Variants in MIGA1 observed in about 807,000 individuals in gnomAD.
MIGA1 encodes the protein mitoguardin 1, also known as family with sequence similarity 73, member A.
MIGA1 carries 58 observed loss-of-function variants against 82.0 expected under a neutral mutation model. The ratio of observed to expected loss-of-function variants is 0.71; its 90% CI spans 0.57 to 0.88. The LOEUF is 0.88. Among genes scored for constraint, MIGA1 ranks in the 40% least tolerant of loss-of-function variants. The probability of loss-of-function intolerance (pLI) is 0.00; values close to 1 mark genes in which losing one functional copy is unlikely to be tolerated. For missense variants in MIGA1, 751 were observed against 749.1 expected (o/e 1.00, Z -0.03); for synonymous variants, 249 against 253.6 (o/e 0.98, Z 0.17).
chr1:77,860,268 G>A, intron 11 of MIGA1, 142 bp downstream of exon 11: 1 of 595,848 alleles, frequency 1.7e-6, no homozygotes. Context: ...TGCTCGGGTT[G>A]AACTATGTAT....
intron 14 of MIGA1, chr1:77,868,778 C>T (rs1571020313): frequency 6.6e-6 from 1 of 152,054 alleles, no homozygotes; most frequent in Non-Finnish European, 1.5e-5. Flanking sequence ...ACTTTTTGGC[C>T]CTCACTAACT....
intron 2 of MIGA1, among the ~76,000 whole-genome samples, chr1:77,787,818 C>CTTTTTTTTTT (rs1348207073): frequency 7.2e-6 from 1 of 138,186 alleles, no homozygotes. Context: ...CTTTTCTTTT[C>CTTTTTTTTTT]TTTTTTTTTT....
chr1:77,851,876 C>CTTTTTT (rs374230686), intron 8 of MIGA1, among the ~76,000 whole-genome samples: 7 of 120,398 alleles, frequency 5.8e-5, no homozygotes, highest in African/African-American at 1.2e-4. Context: ...AGTTTTCTTT[C>CTTTTTT]TTTTTTTTTT....
At chr1:77,805,847 A>G (rs1356408154) in intron 4 of MIGA1, among the ~76,000 whole-genome samples, 2 of 151,984 alleles carry the variant, frequency 1.3e-5, no homozygotes, top group Non-Finnish European at 2.9e-5. Context: ...TATAATGTGA[A>G]CTTCCTCAGT....
chr1:77,780,197 G>A (rs1299320259), intron 1 of MIGA1: 2 of 987,860 alleles, frequency 2.0e-6, no homozygotes, highest in African/African-American at 1.7e-5. Flanking sequence ...CTGGAGGTAG[G>A]GCAGCTGGTG....
At chr1:77,869,736 C>T (rs1685843050) in intron 14 of MIGA1, among the ~76,000 whole-genome samples, 1 of 87,850 alleles carries the variant, frequency 1.1e-5, no homozygotes, top group South Asian at 4.3e-4. Context: ...GGCGGCTGGC[C>T]GACCCCCCCC....
At chr1:77,793,783 C>CTT (rs1175821307) in intron 2 of MIGA1, among the ~76,000 whole-genome samples, 84 of 114,134 alleles carry the variant, frequency 7.4e-4, no homozygotes, top group African/African-American at 1.5e-3. Flanking sequence ...AAAATTTTAT[C>CTT]TTTTTTTTTT....
At chr1:77,865,911 T>TTTTG (rs149766452) in intron 13 of MIGA1, among the ~76,000 whole-genome samples, 1 of 152,064 alleles carries the variant, frequency 6.6e-6, no homozygotes, top group Non-Finnish European at 1.5e-5. Context: ...TAGTTTTGTT[T>TTTTG]TTTGTTTGTT....
rs955579732 is a variant in MIGA1, at chr1:77,873,006, C to T, written c.1566C>T (p.Ile522=). The change falls in exon 15 of 16, where the codon ATC becomes ATT. Residue 522 remains isoleucine (I), a splice_region_variant and synonymous_variant. Coordinates refer to ENST00000370791, the MANE Select transcript of MIGA1 (RefSeq NM_198549.4). ...GATTCTCCTTTACTTCCCAGCAGAT[C>T]CCAGATGGATTTTTTGCCCATTTTT... is the stretch of plus-strand genomic sequence containing the variant. 2.5e-6 allele frequency: 4 copies of T among 1,613,864 alleles called. No homozygotes were observed. The East Asian group carries it at 8.9e-5, about 36-fold the overall frequency.
chr1:77,798,419 A>G (rs897702158), intron 2 of MIGA1, among the ~76,000 whole-genome samples: 3 of 152,230 alleles, frequency 2.0e-5, no homozygotes, highest in African/African-American at 4.8e-5. Flanking sequence ...AGGCCTCACA[A>G]TTATGGTAGA....
intron 2 of MIGA1, among the ~76,000 whole-genome samples, chr1:77,787,034 A>G (rs1397066422): frequency 6.6e-6 from 1 of 152,194 alleles, no homozygotes; most frequent in Non-Finnish European, 1.5e-5. Flanking sequence ...CCTCACAATC[A>G]TGGCGGAAGG....
chr1:77,790,247 A>G (rs1682356991), intron 2 of MIGA1, among the ~76,000 whole-genome samples: 1 of 152,150 alleles, frequency 6.6e-6, no homozygotes, highest in African/African-American at 2.4e-5. Context: ...CACCTTAAAG[A>G]TTTACCTCTT....
intron 12 of MIGA1, chr1:77,861,665 A>G: frequency 4.8e-6 from 1 of 206,410 alleles, no homozygotes; most frequent in Non-Finnish European, 9.7e-6. Flanking sequence ...GTAGTACAAC[A>G]GCAGCAGCTC....
At chr1:77,843,486 C>G in intron 8 of MIGA1, 79 bp downstream of exon 8, 1 of 1,070,246 alleles carries the variant, frequency 9.3e-7, no homozygotes, top group East Asian at 2.4e-5. Context: ...TACTGTAATT[C>G]AGTTTGGTCA....
chr1:77,861,094 AT>A lies in MIGA1; in HGVS notation c.1276-129del, dbSNP rs1033329307. 13 of 587,848 alleles carry A rather than the reference AT, an allele frequency of 2.2e-5. No homozygotes were observed. The African/African-American group carries it at 2.5e-4, about 11-fold the overall frequency. The allele number at this position is 587,848 out of a possible 1,614,324, so 36.4% of individuals were successfully genotyped here. On this transcript the variant is annotated intron_variant, in intron 11 of 15. Coordinates refer to ENST00000370791, the MANE Select transcript of MIGA1 (RefSeq NM_198549.4). ...AAGTAGTAAACCAGATAAATTTGGC[AT>A]ACCTTTAAAATGTATTTTAGTTCAG...
At position 77,799,742 on chromosome 1, in the gene MIGA1, T is replaced by C. The variant is rs576228475; in HGVS notation, c.196-1589T>C. ...TTATAGGATCCTTTTTACAGACCTT[T>C]GTGAGGTCTGCAGTAATGACTCCTC... On this transcript the variant is annotated intron_variant, in intron 2 of 15. Transcript: ENST00000370791. Among the ~76,000 whole-genome samples, 7 of 152,200 alleles carry C rather than the reference T, an allele frequency of 4.6e-5. No individual in the cohort carries two copies. In the East Asian group the frequency reaches 1.4e-3, roughly 29 times the overall value.
intron 2 of MIGA1, among the ~76,000 whole-genome samples, chr1:77,793,284 G>C (rs1016681938): frequency 6.6e-6 from 1 of 151,238 alleles, no homozygotes; most frequent in African/African-American, 2.4e-5. Flanking sequence ...TGTATTTTTT[G>C]TAGAGACGGG....
chr1:77,838,608 T>C (rs1246731340), intron 7 of MIGA1, among the ~76,000 whole-genome samples: 3 of 152,026 alleles, frequency 2.0e-5, no homozygotes, highest in African/African-American at 7.2e-5. Context: ...CCACCACACC[T>C]GGCTAATTTT....
chr1:77,800,158 A>G (rs1682816886), intron 2 of MIGA1, among the ~76,000 whole-genome samples: 1 of 152,130 alleles, frequency 6.6e-6, no homozygotes, highest in East Asian at 1.9e-4. Flanking sequence ...CCTCTGTACC[A>G]TTAGGGAGAC....
Sources: allele counts gnomAD v4.1 joint callset (sites outside exome capture counted in the v4.1 genomes callset), GRCh38; gene constraint gnomAD v4.1.1; transcripts MANE v1.5; gene names NCBI Gene and HGNC (gene_info 2026-07-23, HGNC 2026-07-21).